Variants in PCDH15 observed in about 807,000 individuals in gnomAD.
PCDH15 encodes the protein protocadherin related 15.
In PCDH15, 129 loss-of-function variants were observed where a neutral mutation model predicts 178.5. That is an observed-to-expected ratio of 0.72 (90% confidence interval 0.63 to 0.84). The LOEUF is 0.84. PCDH15 is among the 40% of genes least tolerant of loss of function. PCDH15 has a pLI of 0.00. For synonymous variants in PCDH15, 800 were observed against 732.0 expected, an observed-to-expected ratio of 1.09 and a Z score of -1.50; for missense variants, 2,230 against 2,099.9, an observed-to-expected ratio of 1.06 and a Z score of -1.21.
At chr10:54,218,415 A>G (rs1416405046) in intron 9 of PCDH15, among the ~76,000 whole-genome samples, 1 of 152,226 alleles carries the variant, frequency 6.6e-6, no homozygotes, top group African/African-American at 2.4e-5. Context: ...CAATGTGACC[A>G]TTATAGAGAG....
chr10:54,515,446 G>A (rs1042404629), intron 3 of PCDH15, among the ~76,000 whole-genome samples: 5 of 152,072 alleles, frequency 3.3e-5, no homozygotes, highest in East Asian at 3.9e-4. Flanking sequence ...GGCCATTGCC[G>A]AGTTAGTTGT....
intron 2 of PCDH15, among the ~76,000 whole-genome samples, chr10:55,534,834 T>C (rs986612147): frequency 3.3e-5 from 5 of 151,928 alleles, no homozygotes; most frequent in African/African-American, 9.7e-5. Context: ...CAACAATGGA[T>C]TGGATAAAGA....
intron 18 of PCDH15, among the ~76,000 whole-genome samples, chr10:54,062,863 C>A (rs557215712): frequency 4.6e-5 from 7 of 152,148 alleles, no homozygotes; most frequent in Admixed American, 3.3e-4. Flanking sequence ...GTTATATATT[C>A]CATCTGGGCT....
intron 2 of PCDH15, among the ~76,000 whole-genome samples, chr10:54,554,749 C>T (rs1430485973): frequency 6.6e-6 from 1 of 152,026 alleles, no homozygotes; most frequent in Non-Finnish European, 1.5e-5. Context: ...GAGCCCTAAA[C>T]CAAAATTAGG....
chr10:55,326,023 T>C (rs1844022188), intron 2 of PCDH15, among the ~76,000 whole-genome samples: 1 of 151,954 alleles, frequency 6.6e-6, no homozygotes, highest in Non-Finnish European at 1.5e-5. Flanking sequence ...GAAATCCAAA[T>C]CAAAGCCAAA....
rs140619659 is a variant in PCDH15 at position 54,382,655 on chromosome 10, T to C, written c.158-3713A>G. On this transcript the variant is annotated intron_variant, in intron 3 of 37. Coordinates refer to ENST00000644397, the MANE Select transcript of PCDH15 (RefSeq NM_001384140.1). ...ACATGAGAACACAAACTGTGTTGTG[T>C]TCTGAGTCCATAAGGAATACATAAC... Among the ~76,000 whole-genome samples, 227 of 152,246 alleles carry C rather than the reference T, an allele frequency of 1.5e-3. 5 individuals carry two copies. The East Asian group carries it at 0.027, about 18-fold the overall frequency.
At chr10:55,044,524 T>C (rs1221900158) in intron 2 of PCDH15, among the ~76,000 whole-genome samples, 2 of 152,134 alleles carry the variant, frequency 1.3e-5, no homozygotes, top group African/African-American at 4.8e-5. Context: ...TAACATATTA[T>C]GTCAATTCAT....
chr10:53,888,309 T>TATATATATAC (rs59199185), intron 26 of PCDH15, among the ~76,000 whole-genome samples: 5 of 107,802 alleles, frequency 4.6e-5, no homozygotes, highest in African/African-American at 1.6e-4. Context: ...TATATATATA[T>TATATATATAC]GTATATATGT....
intron 2 of PCDH15, among the ~76,000 whole-genome samples, chr10:55,514,654 C>A (rs185670361): frequency 6.6e-5 from 10 of 152,256 alleles, no homozygotes; most frequent in African/African-American, 2.2e-4. Flanking sequence ...TTCTTGTCCT[C>A]TCTGAGCACG....
intron 28 of PCDH15, among the ~76,000 whole-genome samples, chr10:53,855,920 A>ATATATATATGTGTGTGTGTGTG: frequency 7.1e-6 from 1 of 140,414 alleles, no homozygotes; most frequent in Middle Eastern, 3.6e-3. Flanking sequence ...ATATATATAT[A>ATATATATATGTGTGTGTGTGTG]TGTATGTGTG....
chr10:54,021,159 A>ATAT (rs2092909597), intron 19 of PCDH15, among the ~76,000 whole-genome samples: 1 of 152,098 alleles, frequency 6.6e-6, no homozygotes, highest in Non-Finnish European at 1.5e-5. Context: ...ATTGGGAACG[A>ATAT]TATCCTTTAG....
chr10:54,180,687 C>G (rs985835579), intron 13 of PCDH15, among the ~76,000 whole-genome samples: 22 of 152,166 alleles, frequency 1.4e-4, no homozygotes, highest in African/African-American at 5.3e-4. Flanking sequence ...AAAATATTCT[C>G]TCAATGAGAA....
chr10:54,523,809 C>T (rs942011080), intron 3 of PCDH15, among the ~76,000 whole-genome samples: 2 of 152,116 alleles, frequency 1.3e-5, no homozygotes, highest in African/African-American at 4.8e-5. Context: ...CCAATTGTCT[C>T]AGCAACACAA....
intron 2 of PCDH15, among the ~76,000 whole-genome samples, chr10:54,567,902 C>T (rs759705188): frequency 6.6e-6 from 1 of 152,160 alleles, no homozygotes; most frequent in Non-Finnish European, 1.5e-5. Flanking sequence ...AAGAAGCTTT[C>T]ATCCTCTAAG....
At chr10:54,191,068 C>G (rs1197362567) in intron 11 of PCDH15, among the ~76,000 whole-genome samples, 1 of 152,152 alleles carries the variant, frequency 6.6e-6, no homozygotes, top group South Asian at 2.1e-4. Context: ...ACATCATTAG[C>G]ATCTTTGAAG....
intron 13 of PCDH15, among the ~76,000 whole-genome samples, chr10:54,180,145 C>T (rs562345389): frequency 4.6e-5 from 7 of 152,248 alleles, no homozygotes; most frequent in South Asian, 2.1e-4. Context: ...GCTCCGGTTA[C>T]GGAAGATGAT....
chr10:54,663,349 G>T (rs1161824480), intron 2 of PCDH15, among the ~76,000 whole-genome samples: 1 of 150,982 alleles, frequency 6.6e-6, no homozygotes, highest in East Asian at 1.9e-4. Context: ...AGACAGGAAA[G>T]AAATAAAACT....
chr10:54,013,607 A>G (rs950832941), intron 20 of PCDH15, among the ~76,000 whole-genome samples: 1 of 152,186 alleles, frequency 6.6e-6, no homozygotes, highest in Admixed American at 6.5e-5. Context: ...TAAGAAAAAC[A>G]TTCAAAACCA....
At chr10:55,497,735 T>C (rs1408723227) in intron 2 of PCDH15, among the ~76,000 whole-genome samples, 1 of 151,878 alleles carries the variant, frequency 6.6e-6, no homozygotes, top group African/African-American at 2.4e-5. Flanking sequence ...CTGAAACCCA[T>C]TTTGTAAGAA....
Sources: gnomAD v4.1 joint callset for allele counts (sites outside exome capture counted in the v4.1 genomes callset) on GRCh38, gnomAD v4.1.1 for gene constraint, MANE v1.5 for transcripts, NCBI Gene and HGNC (gene_info 2026-07-23, HGNC 2026-07-21) for gene names.